Variants in LRRC74A observed in about 807,000 individuals in gnomAD.
The protein encoded by LRRC74A is leucine-rich repeat-containing protein 74A.
LRRC74A carries 44 observed loss-of-function variants against 57.9 expected under a neutral mutation model. The observed-to-expected ratio is 0.76, with a 90% confidence interval of 0.60 to 0.98. The LOEUF is 0.98. LRRC74A is among the 50% of genes least tolerant of loss of function. The probability of loss-of-function intolerance (pLI) is 0.00; values close to 1 mark genes in which losing one functional copy is unlikely to be tolerated. For synonymous variants in LRRC74A, 211 were observed against 219.4 expected (o/e 0.96, Z 0.34); for missense variants, 572 against 574.0 (o/e 1.00, Z 0.04).
At position 76,831,193 on chromosome 14, in the gene LRRC74A, T is replaced by G; in HGVS notation, c.167-10T>G. 6.2e-7 allele frequency: 1 copy of G among 1,613,766 alleles called. No individual in the cohort carries two copies. Among genetic ancestry groups the G allele is most frequent in the Non-Finnish European group, 8.5e-7 (1 of 1,179,726 alleles). ...AGAGAAATCCTACTTCAGCCCATCT[T>G]TCTCTGCAGATGATGAGAAATTTTT... On this transcript the variant is annotated splice_polypyrimidine_tract_variant and intron_variant, in intron 2 of 13. Transcript: ENST00000689127.
chr14:76,855,036 G>A lies in LRRC74A; in HGVS notation c.957+1626G>A, dbSNP rs541034057. On this transcript the variant is annotated intron_variant, in intron 9 of 13. Transcript: ENST00000689127. Reference sequence around the variant, plus strand: ...CAACTCCAACTCCCTCAAGATGTGAGGGTGGTTGGAGAGACCACAGATGTG... The same window carrying A: ...CAACTCCAACTCCCTCAAGATGTGAAGGTGGTTGGAGAGACCACAGATGTG... Among the ~76,000 whole-genome samples the A allele has an allele frequency of 3.3e-5, 5 of 152,342 alleles. No homozygotes were observed. In the East Asian group the frequency reaches 9.6e-4, roughly 29 times the overall value.
chr14:76,857,460 A>G lies in LRRC74A; in HGVS notation c.1038A>G (p.Glu346=). The G allele has an allele frequency of 6.3e-7, 1 of 1,577,026 alleles. No homozygotes were observed. The highest frequency in any genetic ancestry group is 8.6e-7 in the Non-Finnish European group (1 of 1,159,388). ...AIKRNPKSRM[E]ELDISNVLVS... ...AGAGGAACCCCAAATCCAGGATGGA[A>G]GAGCTTGATATTTCCGTAAGTGATC... is the stretch of plus-strand genomic sequence containing the variant. The change falls in exon 10 of 14, where the codon GAA becomes GAG. Residue 346 remains glutamate (E), a synonymous_variant. Transcript: ENST00000689127.
At chr14:76,838,117 T>G (rs1399996304) in intron 5 of LRRC74A, 146 bp downstream of exon 5, 1 of 555,966 alleles carries the variant, frequency 1.8e-6, no homozygotes, top group East Asian at 3.0e-5. Context: ...TGCTAAACCC[T>G]CCCAGTCACA....
At chr14:76,842,659 G>GCATTCATT (rs57316542) in intron 5 of LRRC74A, among the ~76,000 whole-genome samples, 3,688 of 151,390 alleles carry the variant, frequency 0.024, 64 homozygotes, top group Non-Finnish European at 0.033. Context: ...TCCAGTGAAT[G>GCATTCATT]CATTCATTCA....
At chr14:76,835,068 T>C (rs1896228789) in intron 3 of LRRC74A, among the ~76,000 whole-genome samples, 1 of 152,148 alleles carries the variant, frequency 6.6e-6, no homozygotes, top group Non-Finnish European at 1.5e-5. Flanking sequence ...TCCAAACCTG[T>C]GTCTGTTCTC....
chr14:76,856,323 G>A (rs1271381351), intron 9 of LRRC74A, among the ~76,000 whole-genome samples: 1 of 152,134 alleles, frequency 6.6e-6, no homozygotes, highest in Non-Finnish European at 1.5e-5. Flanking sequence ...TGCTCCTGCA[G>A]TACCCAGGTG....
chr14:76,854,263 G>T (rs937511523), intron 9 of LRRC74A, among the ~76,000 whole-genome samples: 1 of 152,184 alleles, frequency 6.6e-6, no homozygotes, highest in East Asian at 1.9e-4. Flanking sequence ...GCATGTGAGG[G>T]CTCTTTGCTC....
At position 76,856,792 on chromosome 14, in the gene LRRC74A, G is replaced by GTGGATGGA. The variant is rs59726536; in HGVS notation, c.958-569_958-562dup. 1.3e-4 allele frequency among the ~76,000 whole-genome samples: 17 copies of GTGGATGGA among 129,780 alleles called. 1 individual carries two copies. The highest frequency in any genetic ancestry group is 2.7e-4 in the South Asian group (1 of 3,724). 85.1% of individuals were successfully genotyped at this position (129,780 alleles called of 152,430 possible). On this transcript the variant is annotated intron_variant, in intron 9 of 13. Transcript: ENST00000689127. ...GATGAGCAGTGAGATGGATAAGTGA[G>GTGGATGGA]TGGATGGATGGATGGATGGATGGAT...
intron 7 of LRRC74A, 34 bp from the exon 8 acceptor site, chr14:76,852,331 G>A: frequency 6.5e-7 from 1 of 1,530,076 alleles, no homozygotes; most frequent in Non-Finnish European, 9.0e-7. Context: ...TCTGGGCTGT[G>A]GGAGATGCTA....
intron 9 of LRRC74A, among the ~76,000 whole-genome samples, chr14:76,856,103 CT>C (rs1897856809): frequency 6.6e-6 from 1 of 152,236 alleles, no homozygotes; most frequent in East Asian, 1.9e-4. Flanking sequence ...CCCATCCCAG[CT>C]CTGTGGCCTC....
chr14:76,864,053 C>T (rs970073992), intron 11 of LRRC74A, among the ~76,000 whole-genome samples: 5 of 152,234 alleles, frequency 3.3e-5, no homozygotes, highest in African/African-American at 1.2e-4. Context: ...CCAGGCTCTG[C>T]ATGGATGAGA....
intron 4 of LRRC74A, 62 bp downstream of exon 4, chr14:76,836,376 A>G: frequency 7.8e-7 from 1 of 1,287,096 alleles, no homozygotes; most frequent in Non-Finnish European, 1.1e-6. Flanking sequence ...CCCACTGGAG[A>G]CAAGCCAGAG....
chr14:76,842,552 G>T (rs961532647), intron 5 of LRRC74A, among the ~76,000 whole-genome samples: 4 of 152,138 alleles, frequency 2.6e-5, no homozygotes, highest in African/African-American at 9.7e-5. Flanking sequence ...TTAAACACAA[G>T]AATTTGAATA....
rs762746889 is a variant in LRRC74A, at chr14:76,867,453, C to A, written c.1391+15C>A. On this transcript the variant is annotated intron_variant, in intron 13 of 13. Coordinates refer to ENST00000689127, the MANE Select transcript of LRRC74A (RefSeq NM_001385106.1). The stretch of plus-strand genomic sequence containing the variant: ...GTGAACTTCAGGTCAGCCCAGGCCC[C>A]GCGACGATCCCCGTTCTCTGCAAGG... The A allele has an allele frequency of 6.8e-7, 1 of 1,475,164 alleles. No individual in the cohort carries two copies. Among genetic ancestry groups the A allele is most frequent in the Admixed American group, 1.7e-5 (1 of 59,538 alleles). 91.4% of individuals were successfully genotyped at this position (1,475,164 alleles called of 1,614,324 possible).
At chr14:76,861,488 T>C (rs1213534497) in intron 11 of LRRC74A, among the ~76,000 whole-genome samples, 1 of 152,076 alleles carries the variant, frequency 6.6e-6, no homozygotes. Context: ...TTCCAACAGC[T>C]GGTAAGGATG....
At chr14:76,857,556 C>T in intron 10 of LRRC74A, 81 bp downstream of exon 10, 1 of 1,002,186 alleles carries the variant, frequency 1.0e-6, no homozygotes, top group East Asian at 2.7e-5. Context: ...TTGGCCAGAG[C>T]CAACAGCTCT....
chr14:76,870,204 T>C lies in LRRC74A; in HGVS notation c.*55T>C. The C allele has an allele frequency of 6.3e-7, 1 of 1,576,064 alleles. No homozygotes were observed. Among genetic ancestry groups the C allele is most frequent in the Non-Finnish European group, 8.6e-7 (1 of 1,156,404 alleles). ...GCGAGAGGAGTCCTCGCAAGTCGGA[T>C]GGTGGCAGGGAGGAGAGCAAGAGGT... On this transcript the variant is annotated 3_prime_UTR_variant, in exon 14 of 14. Transcript: ENST00000689127.
chr14:76,864,867 AG>A (rs563153767), intron 11 of LRRC74A, among the ~76,000 whole-genome samples: 93 of 152,330 alleles, frequency 6.1e-4, no homozygotes, highest in African/African-American at 2.1e-3. Flanking sequence ...ATAAAAAAAA[AG>A]AGAGGAAAAG....
chr14:76,829,263 T>A, intron 2 of LRRC74A: 1 of 1,140,874 alleles, frequency 8.8e-7, no homozygotes, highest in Non-Finnish European at 1.2e-6. Context: ...GCAGCAGAGA[T>A]GGAGGAAGGC....
Sources: gnomAD v4.1 joint callset for allele counts (sites outside exome capture counted in the v4.1 genomes callset) on GRCh38, gnomAD v4.1.1 for gene constraint, MANE v1.5 for transcripts, NCBI Gene and HGNC (gene_info 2026-07-23, HGNC 2026-07-21) for gene names.